SGPP2: variants seen among roughly 807,000 people sequenced by gnomAD.
SGPP2 encodes the protein sphingosine-1-phosphate phosphatase 2.
A neutral mutation model predicts 33.9 loss-of-function variants in SGPP2; 30 were observed. That is an observed-to-expected ratio of 0.89 (90% CI 0.66 to 1.20). The LOEUF (loss-of-function observed/expected upper bound fraction) is 1.20, where lower values mean the gene tolerates loss of function less well. Ranked by LOEUF, SGPP2 falls within the 50% of genes most tolerant of loss-of-function variation. The pLI is 0.00. For missense variants in SGPP2, 458 were observed against 532.1 expected (o/e 0.86, Z 1.37); for synonymous variants, 233 against 225.0 (o/e 1.04, Z -0.32).
chr2:222,447,466 T>C (rs1025137967), intron 1 of SGPP2, among the ~76,000 whole-genome samples: 4 of 152,140 alleles, frequency 2.6e-5, no homozygotes, highest in African/African-American at 7.2e-5. Context: ...CTTTGAGAAA[T>C]TGAGTTCCTG....
intron 4 of SGPP2, among the ~76,000 whole-genome samples, chr2:222,551,735 A>G (rs1158411512): frequency 6.6e-6 from 1 of 152,232 alleles, no homozygotes; most frequent in African/African-American, 2.4e-5. Context: ...TGCACTGAAG[A>G]TGAACAGAAT....
intron 1 of SGPP2, among the ~76,000 whole-genome samples, chr2:222,448,047 AC>A (rs1490362544): frequency 6.6e-6 from 1 of 152,150 alleles, no homozygotes; most frequent in African/African-American, 2.4e-5. Context: ...ATCCCAAGTG[AC>A]CAGGTAGTAT....
intron 1 of SGPP2, among the ~76,000 whole-genome samples, chr2:222,472,561 C>A (rs1191356173): frequency 6.6e-6 from 1 of 152,106 alleles, no homozygotes; most frequent in Non-Finnish European, 1.5e-5. Flanking sequence ...AAGTCACACG[C>A]CTGGTCAGTA....
At chr2:222,502,677 C>A (rs1698385427) in intron 2 of SGPP2, among the ~76,000 whole-genome samples, 2 of 152,170 alleles carry the variant, frequency 1.3e-5, no homozygotes, top group Admixed American at 1.3e-4. Flanking sequence ...CTAAATGGCT[C>A]CTGTGCAGGT....
chr2:222,488,606 G>C (rs1698147950), intron 2 of SGPP2, among the ~76,000 whole-genome samples: 1 of 152,168 alleles, frequency 6.6e-6, no homozygotes, highest in South Asian at 2.1e-4. Flanking sequence ...TCCTAAGTTT[G>C]AGTCACTAGG....
rs1333002066 is a variant in SGPP2 at position 222,424,677 on chromosome 2, C to G, written c.75C>G (p.Pro25=). 22 of 1,448,832 alleles carry G rather than the reference C, an allele frequency of 1.5e-5. No individual in the cohort carries two copies. Among genetic ancestry groups the G allele is most frequent in the Admixed American group, 1.5e-4 (6 of 41,012 alleles). The allele number at this position is 1,448,832 out of a possible 1,614,324, so 89.7% of individuals were successfully genotyped here. Reference sequence around the variant, plus strand: ...TCCAGCGCCGCTGCGGGCTCTTCCCCGCTCCGGATGAAGGCCCCCGGGAGA... The same window carrying G: ...TCCAGCGCCGCTGCGGGCTCTTCCCGGCTCCGGATGAAGGCCCCCGGGAGA... The part of the protein sequence containing the change: ...ARFQRRCGLF[P]APDEGPRENG... The change falls in exon 1 of 5, where the codon CCC becomes CCG. Residue 25 remains proline (P), a synonymous_variant. Coordinates refer to ENST00000321276, the MANE Select transcript of SGPP2 (RefSeq NM_152386.4).
chr2:222,510,360 G>A (rs929891080), intron 2 of SGPP2, among the ~76,000 whole-genome samples: 12 of 152,202 alleles, frequency 7.9e-5, no homozygotes, highest in African/African-American at 2.9e-4. Context: ...GTACGTACTG[G>A]TAGAGAGGCT....
At chr2:222,512,105 C>T (rs1036300247) in intron 2 of SGPP2, among the ~76,000 whole-genome samples, 17 of 152,040 alleles carry the variant, frequency 1.1e-4, no homozygotes, top group African/African-American at 4.1e-4. Context: ...AGCTCCTCCT[C>T]CCGGGTTCAC....
chr2:222,507,619 A>T (rs1211779610), intron 2 of SGPP2, among the ~76,000 whole-genome samples: 1 of 152,174 alleles, frequency 6.6e-6, no homozygotes, highest in African/African-American at 2.4e-5. Flanking sequence ...TATCAGAAGT[A>T]AATTTTTGTT....
chr2:222,539,115 CCCTT>C (rs1388255384), intron 4 of SGPP2, among the ~76,000 whole-genome samples: 1 of 152,174 alleles, frequency 6.6e-6, no homozygotes, highest in African/African-American at 2.4e-5. Context: ...CAAGGCAAGT[CCCTT>C]CCGTCTAGGA....
intron 4 of SGPP2, among the ~76,000 whole-genome samples, chr2:222,532,792 T>A (rs1698858252): frequency 6.6e-6 from 1 of 152,160 alleles, no homozygotes; most frequent in Non-Finnish European, 1.5e-5. Context: ...CACAGCCCCA[T>A]TTGTGAGCAG....
intron 1 of SGPP2, among the ~76,000 whole-genome samples, chr2:222,463,446 A>G (rs1245990772): frequency 6.6e-6 from 1 of 151,992 alleles, no homozygotes; most frequent in Non-Finnish European, 1.5e-5. Flanking sequence ...GTCTCTACAA[A>G]ATATAAAAAA....
At chr2:222,524,869 A>G (rs1187317445) in intron 3 of SGPP2, 75 bp from the exon 4 acceptor site, 15 of 1,169,500 alleles carry the variant, frequency 1.3e-5, no homozygotes, top group East Asian at 2.4e-5. Context: ...AATGAATCCT[A>G]TTCCCACCTA....
chr2:222,443,794 T>C (rs1178033894), intron 1 of SGPP2, among the ~76,000 whole-genome samples: 1 of 152,228 alleles, frequency 6.6e-6, no homozygotes, highest in Non-Finnish European at 1.5e-5. Context: ...TGCTGTATTT[T>C]GCAGGGGAGG....
At chr2:222,556,445 G>A (rs1689400880) in intron 4 of SGPP2, among the ~76,000 whole-genome samples, 1 of 134,214 alleles carries the variant, frequency 7.5e-6, no homozygotes, top group South Asian at 2.5e-4. Context: ...CCCAACCCCG[G>A]CTCCGTCCAC....
chr2:222,457,245 G>A (rs113430517), intron 1 of SGPP2, among the ~76,000 whole-genome samples: 2,239 of 151,952 alleles, frequency 0.015, 48 homozygotes, highest in African/African-American at 0.051. Context: ...AGGTAAACAA[G>A]TTTAAGATGT....
intron 4 of SGPP2, among the ~76,000 whole-genome samples, chr2:222,531,343 T>A (rs1185788919): frequency 6.6e-6 from 1 of 152,076 alleles, no homozygotes; most frequent in East Asian, 1.9e-4. Context: ...GTATTAGCCT[T>A]AAAAGGGTGG....
At chr2:222,483,790 A>G (rs2106104416) in intron 2 of SGPP2, among the ~76,000 whole-genome samples, 1 of 152,278 alleles carries the variant, frequency 6.6e-6, no homozygotes. Context: ...CCAAAAGATG[A>G]CTTTAAATGT....
chr2:222,467,257 T>C (rs977301280), intron 1 of SGPP2, among the ~76,000 whole-genome samples: 12 of 151,594 alleles, frequency 7.9e-5, no homozygotes, highest in African/African-American at 2.9e-4. Flanking sequence ...GCCCAGGTCA[T>C]TCGGATGCAT....
Sources: gnomAD v4.1 joint callset for allele counts (sites outside exome capture counted in the v4.1 genomes callset) on GRCh38, gnomAD v4.1.1 for gene constraint, MANE v1.5 for transcripts, NCBI Gene and HGNC (gene_info 2026-07-23, HGNC 2026-07-21) for gene names.